The following SLC2A9 variants were observed in gnomAD, a reference collection of about 807,000 sequenced individuals.
The protein encoded by SLC2A9 is solute carrier family 2, facilitated glucose transporter member 9.
Under a neutral mutation model 50.6 loss-of-function variants are expected in SLC2A9, and 39 were observed. The ratio of observed to expected loss-of-function variants is 0.77; its 90% CI spans 0.60 to 1.01. The LOEUF is 1.01. Ranked by LOEUF, SLC2A9 falls within the 50% of genes least tolerant of loss-of-function variation. The pLI is 0.00. For synonymous variants in SLC2A9, 324 were observed against 276.9 expected (o/e 1.17, Z -1.69); for missense variants, 686 against 677.6 (o/e 1.01, Z -0.14).
At chr4:10,038,028 A>G (rs1178981624) in intron 1 of SLC2A9, among the ~76,000 whole-genome samples, 1 of 152,280 alleles carries the variant, frequency 6.6e-6, no homozygotes, top group East Asian at 1.9e-4. Context: ...GAGTGAGGTG[A>G]GTCTGGCAGG....
chr4:9,923,794 A>C (rs1744382275), intron 6 of SLC2A9: 1 of 151,942 alleles, frequency 6.6e-6, no homozygotes, highest in Non-Finnish European at 1.5e-5. Flanking sequence ...CCATCCATCC[A>C]CCCTCCTTGG....
chr4:10,004,423 G>A (rs1760406152), intron 2 of SLC2A9, among the ~76,000 whole-genome samples: 1 of 152,096 alleles, frequency 6.6e-6, no homozygotes, highest in South Asian at 2.1e-4. Context: ...TAAGTACAAG[G>A]GACATGTGTG....
rs3775942 is a variant in SLC2A9 at position 10,018,683 on chromosome 4, G to A, written c.249+292C>T. 0.1 allele frequency among the ~76,000 whole-genome samples: 15,430 copies of A among 151,388 alleles called. 1,397 individuals carry two copies. Among genetic ancestry groups the A allele is most frequent in the East Asian group, 0.46 (2,337 of 5,110 alleles). On this transcript the variant is annotated intron_variant, in intron 2 of 11. Coordinates refer to ENST00000264784, the MANE Select transcript of SLC2A9 (RefSeq NM_020041.3). The stretch of plus-strand genomic sequence containing the variant: ...CCCCGGCATTAGGGGCCAGAGGATC[G>A]CCCCCCACCCCACCCCGGGACTTCC...
At chr4:9,905,430 C>A (rs1740483358) in intron 8 of SLC2A9, among the ~76,000 whole-genome samples, 1 of 152,218 alleles carries the variant, frequency 6.6e-6, no homozygotes, top group Admixed American at 6.5e-5. Flanking sequence ...TACCAACTGG[C>A]CATGGTCCAG....
chr4:9,803,037 G>T (rs1056109360), intron 3 of SLC2A9, among the ~76,000 whole-genome samples: 1 of 152,224 alleles, frequency 6.6e-6, no homozygotes, highest in Non-Finnish European at 1.5e-5. Context: ...CAGAGGAGAT[G>T]AAACTTGCTT....
At chr4:9,780,086 A>C (rs1010511590) in intron 3 of SLC2A9, 1 of 152,334 alleles carries the variant, frequency 6.6e-6, no homozygotes, top group Non-Finnish European at 1.5e-5. Context: ...AGACAAGGGC[A>C]ATATGAGGAA....
At chr4:9,812,640 G>C (rs1194747781) in intron 3 of SLC2A9, among the ~76,000 whole-genome samples, 1 of 152,030 alleles carries the variant, frequency 6.6e-6, no homozygotes, top group Admixed American at 6.5e-5. Flanking sequence ...CAAATGCGTA[G>C]GTAGCTGAGA....
chr4:9,805,681 G>A (rs1415961825), intron 3 of SLC2A9, among the ~76,000 whole-genome samples: 2 of 139,338 alleles, frequency 1.4e-5, no homozygotes, highest in Admixed American at 7.5e-5. Context: ...GCGCAGCAGG[G>A]TGTCAGTTTT....
intron 10 of SLC2A9, among the ~76,000 whole-genome samples, chr4:9,850,809 C>T (rs1462474537): frequency 6.6e-6 from 1 of 152,146 alleles, no homozygotes; most frequent in African/African-American, 2.4e-5. Context: ...CATAATGCCA[C>T]CACTGCTGGC....
intron 2 of SLC2A9, among the ~76,000 whole-genome samples, chr4:10,005,887 A>G (rs1760696558): frequency 6.6e-6 from 1 of 152,174 alleles, no homozygotes; most frequent in Non-Finnish European, 1.5e-5. Flanking sequence ...GACCTTGAGT[A>G]AGTTACTTAA....
At chr4:10,025,830 C>T (rs925926901), upstream of SLC2A9, 25 of 1,455,938 alleles carry the variant, frequency 1.7e-5, no homozygotes, top group Non-Finnish European at 2.3e-5. Context: ...CCCACTGACC[C>T]AGGGGAAAGG....
At chr4:9,958,555 AG>A (rs1228519369) in intron 5 of SLC2A9, among the ~76,000 whole-genome samples, 1 of 152,056 alleles carries the variant, frequency 6.6e-6, no homozygotes, top group Non-Finnish European at 1.5e-5. Flanking sequence ...ACGGGTTGAT[AG>A]GTGCAACAAA....
intron 3 of SLC2A9, among the ~76,000 whole-genome samples, chr4:9,806,483 C>A (rs755807356): frequency 6.6e-6 from 1 of 152,130 alleles, no homozygotes. Flanking sequence ...AATCTCTGTT[C>A]GGGGCTGTCA....
chr4:9,911,359 C>T (rs141536201), intron 7 of SLC2A9, among the ~76,000 whole-genome samples: 18 of 152,236 alleles, frequency 1.2e-4, no homozygotes, highest in African/African-American at 4.3e-4. Context: ...CCTCCCCCTA[C>T]ATCAGCTGAT....
chr4:9,908,112 C>T (rs189116938), intron 8 of SLC2A9, 123 bp downstream of exon 8: 3 of 753,966 alleles, frequency 4.0e-6, no homozygotes, highest in East Asian at 2.5e-5. Context: ...GATAGGAAAC[C>T]ACATTGTCCT....
At chr4:9,939,551 C>G (rs2110249245) in intron 6 of SLC2A9, among the ~76,000 whole-genome samples, 1 of 151,416 alleles carries the variant, frequency 6.6e-6, no homozygotes, top group Middle Eastern at 3.5e-3. Flanking sequence ...TCGGTGCTGT[C>G]ATTGGCTAGC....
chr4:9,902,030 C>T (rs1021270587), intron 8 of SLC2A9, among the ~76,000 whole-genome samples: 4 of 152,196 alleles, frequency 2.6e-5, no homozygotes, highest in Admixed American at 6.5e-5. Context: ...AATCTGCCTT[C>T]GAGCTGCTCA....
chr4:9,836,798 C>T (rs966448884), intron 10 of SLC2A9, among the ~76,000 whole-genome samples: 1 of 152,096 alleles, frequency 6.6e-6, no homozygotes, highest in Admixed American at 6.6e-5. Context: ...TTGGGGCAGT[C>T]CAGGGAGGAG....
rs79927217 is a variant in SLC2A9, at chr4:9,821,037, C to T, written n.420+5383G>A. 1.6e-3 allele frequency among the ~76,000 whole-genome samples: 248 copies of T among 152,242 alleles called. 2 individuals are homozygous for T. The highest frequency in any genetic ancestry group is 5.8e-3 in the African/African-American group (240 of 41,538). On this transcript the variant is annotated intron_variant and non_coding_transcript_variant, in intron 3 of 3. Transcript: ENST00000503280. Reference sequence around the variant, plus strand: ...TAGGGGAAAAGCATTTAGTTTTGCGCCACTAAATATGATGCTAGCTGTATC... The same window carrying T: ...TAGGGGAAAAGCATTTAGTTTTGCGTCACTAAATATGATGCTAGCTGTATC...
Sources: gnomAD v4.1 joint callset for allele counts (sites outside exome capture counted in the v4.1 genomes callset) on GRCh38, gnomAD v4.1.1 for gene constraint, MANE v1.5 for transcripts, NCBI Gene and HGNC (gene_info 2026-07-23, HGNC 2026-07-21) for gene names.